SLC34A1: variants seen among roughly 807,000 people sequenced by gnomAD.
The protein encoded by SLC34A1 is sodium-dependent phosphate transport protein 2A.
A neutral mutation model predicts 51.4 loss-of-function variants in SLC34A1; 57 were observed. The observed-to-expected ratio is 1.11, with a 90% CI of 0.90 to 1.38. The LOEUF (loss-of-function observed/expected upper bound fraction) is 1.38. Among genes scored for constraint, SLC34A1 ranks in the 40% most tolerant of loss-of-function variants. SLC34A1 has a pLI of 0.00. For missense variants in SLC34A1, 796 were observed against 835.6 expected, an observed-to-expected ratio of 0.95 and a Z score of 0.58; for synonymous variants, 368 against 358.0, an observed-to-expected ratio of 1.03 and a Z score of -0.32.
chr5:177,385,191 C>A (rs967704075), intron 1 of SLC34A1, among the ~76,000 whole-genome samples: 1 of 152,192 alleles, frequency 6.6e-6, no homozygotes, highest in Admixed American at 6.5e-5. Flanking sequence ...CTCCTCCTTG[C>A]TCTCCAGGTG....
At chr5:177,389,603 GCTCT>G (rs1487311465) in intron 8 of SLC34A1, 2 of 1,537,042 alleles carry the variant, frequency 1.3e-6, no homozygotes, top group Admixed American at 2.0e-5. Flanking sequence ...CACTCTTAGT[GCTCT>G]CTGACTCACC....
Position 177,397,228 on chromosome 5 carries a change from C to T in SLC34A1, c.1416+154C>T, listed in dbSNP as rs1581649577. 2.3e-5 allele frequency: 20 copies of T among 874,228 alleles called. No individual in the cohort carries two copies. The East Asian group carries it at 5.4e-4, about 23-fold the overall frequency. The allele number at this position is 874,228 out of a possible 1,614,324, so 54.2% of individuals were successfully genotyped here. A position where few individuals can be genotyped will look rare whatever the true frequency, so the allele number is the denominator to read the frequency against. On this transcript the variant is annotated intron_variant, in intron 12 of 12. Transcript: ENST00000324417. ...GAAACCATTATGGGCAAAGTAGACCCAATACCACCCTCGAGACCTTAGCAT... is the reference window on the plus strand; with the variant it reads ...GAAACCATTATGGGCAAAGTAGACCTAATACCACCCTCGAGACCTTAGCAT...
Position 177,398,043 on chromosome 5 carries a change from T to C in SLC34A1, c.1677T>C (p.Asn559=). The C allele has an allele frequency of 6.2e-7, 1 of 1,614,094 alleles. No individual in the cohort carries two copies. The highest frequency in any genetic ancestry group is 1.1e-5 in the South Asian group (1 of 91,054). ...GALLAFVVLI[N]VLQSRSPGHL... ...TGCTGGCCTTCGTGGTGCTCATCAA[T>C]GTCCTGCAGAGTCGGAGTCCCGGGC... Residue 559 remains asparagine, a synonymous_variant, in exon 13 of 13, where the codon AAT becomes AAC. Coordinates refer to ENST00000324417, the MANE Select transcript of SLC34A1 (RefSeq NM_003052.5). The surrounding 1 kb of genome is among the most constrained non-coding windows in gnomAD (Gnocchi z 4.7).
In SLC34A1 at chr5:177,386,519, G is replaced by A; in HGVS notation, c.485G>A (p.Ser162Asn). The A allele has an allele frequency of 6.2e-7, 1 of 1,614,130 alleles. No individual in the cohort carries two copies. Among genetic ancestry groups the A allele is most frequent in the Admixed American group, 1.7e-5 (1 of 60,030 alleles). Residue 162 changes from serine to asparagine, a missense_variant, in exon 5 of 13, where the codon AGC becomes AAC. By Grantham distance (46) the Ser-to-Asn change is conservative (BLOSUM62 1). Transcript: ENST00000324417. The surrounding 1 kb of genome is among the most constrained non-coding windows in gnomAD (Gnocchi z 4.8). ...VGILVTVLVQ[S>N]SSTSTSIIVS... ...ATCCTGGTGACCGTGCTGGTGCAGA[G>A]CTCCAGCACCTCCACATCCATCATC...
In SLC34A1 at chr5:177,398,823, A is replaced by C. The variant is rs1763055513; in HGVS notation, c.*537A>C. On this transcript the variant is annotated 3_prime_UTR_variant, in exon 13 of 13. Transcript: ENST00000324417. This position sits in a 1 kb window ranked among gnomAD's most constrained non-coding sequence, Gnocchi z 4.7. ...AACACTTGCCTGATGGAAAAAAAAC[A>C]AAGGAATTAAAACTCTCCTCAGGCA... 1 of 164,376 alleles carries C rather than the reference A, an allele frequency of 6.1e-6. No homozygotes were observed. Among genetic ancestry groups the C allele is most frequent in the Non-Finnish European group, 1.4e-5 (1 of 73,816 alleles). The allele number at this position is 164,376 out of a possible 1,614,324, so 10.2% of individuals were successfully genotyped here.
At chr5:177,394,299 G>A (rs1762893014) in intron 10 of SLC34A1, 104 bp downstream of exon 10, 1 of 1,271,968 alleles carries the variant, frequency 7.9e-7, no homozygotes, top group Admixed American at 1.8e-5. Flanking sequence ...CCATCTCTGA[G>A]ACTCAGTTTC....
Position 177,386,533 on chromosome 5 carries a change from A to G in SLC34A1, c.499A>G (p.Thr167Ala), listed in dbSNP as rs1581635513. 1 of 1,613,942 alleles carries G rather than the reference A, an allele frequency of 6.2e-7. No homozygotes were observed. Among genetic ancestry groups the G allele is most frequent in the East Asian group, 2.2e-5 (1 of 44,882 alleles). Residue 167 changes from threonine (T) to alanine (A), a missense_variant, in exon 5 of 13, where the codon ACA (threonine) becomes GCA (alanine). Thr to Ala is a moderately conservative substitution (Grantham distance 58). Transcript: ENST00000324417. This position sits in a 1 kb window ranked among gnomAD's most constrained non-coding sequence, Gnocchi z 4.8. ...TVLVQSSSTS[T>A]SIIVSMVSSG... ...GCTGGTGCAGAGCTCCAGCACCTCC[A>G]CATCCATCATCGTCAGCATGGTCTC...
chr5:177,389,118 G>A (rs1762708197), intron 8 of SLC34A1, among the ~76,000 whole-genome samples: 1 of 152,128 alleles, frequency 6.6e-6, no homozygotes, highest in African/African-American at 2.4e-5. Context: ...CTAATACTGG[G>A]AAGATCTGTT....
rs768399789 is a variant in SLC34A1, at chr5:177,398,057, G to A, written c.1691G>A (p.Arg564Gln). The A allele has an allele frequency of 1.2e-5, 20 of 1,613,826 alleles. No individual in the cohort carries two copies. The highest frequency in any genetic ancestry group is 1.2e-4 in the African/African-American group (9 of 74,910). ...GTGCTCATCAATGTCCTGCAGAGTC[G>A]GAGTCCCGGGCACCTGCCCAAGTGG... Reference protein sequence around the residue: ...FVVLINVLQSRSPGHLPKWLQ... With the variant: ...FVVLINVLQSQSPGHLPKWLQ... The change falls in exon 13 of 13, where the codon CGG becomes CAG. Residue 564 changes from arginine (R) to glutamine (Q), a missense_variant. Physicochemically the swap from Arg to Gln is conservative, Grantham distance 43. Coordinates refer to ENST00000324417, the MANE Select transcript of SLC34A1 (RefSeq NM_003052.5). This position sits in a 1 kb window ranked among gnomAD's most constrained non-coding sequence, Gnocchi z 4.7.
chr5:177,386,686 C>A lies in SLC34A1; in HGVS notation c.532+120C>A. On this transcript the variant is annotated intron_variant, in intron 5 of 12. Coordinates refer to ENST00000324417, the MANE Select transcript of SLC34A1 (RefSeq NM_003052.5). The surrounding 1 kb of genome is among the most constrained non-coding windows in gnomAD (Gnocchi z 4.8). ...CCTCCATTCAGCTTGACTCCTGTAT[C>A]AGCCAGGGACATGAGAGGAGCCCAA... 1 of 1,196,542 alleles carries A rather than the reference C, an allele frequency of 8.4e-7. No homozygotes were observed. Among genetic ancestry groups the A allele is most frequent in the Non-Finnish European group, 1.2e-6 (1 of 820,372 alleles). The allele number at this position is 1,196,542 out of a possible 1,614,324, so 74.1% of individuals were successfully genotyped here.
chr5:177,397,311 A>C, intron 12 of SLC34A1: 1 of 564,328 alleles, frequency 1.8e-6, no homozygotes, highest in Non-Finnish European at 3.1e-6. Flanking sequence ...TCGGATTTGC[A>C]CCATAAGGAA....
intron 10 of SLC34A1, among the ~76,000 whole-genome samples, chr5:177,394,993 G>A (rs1049253053): frequency 9.2e-5 from 14 of 151,866 alleles, no homozygotes; most frequent in African/African-American, 3.4e-4. Context: ...GTGCCCGGCC[G>A]AGACTTTTGT....
chr5:177,396,905 CGAA>C lies in SLC34A1; in HGVS notation c.1292-43_1292-41del, dbSNP rs757220271. ...GGGCCAGGGCTGGCAGGGAAAGGGC[CGAA>C]GGAGACGCTGGGGGTCCCACTTCCT... is the stretch of plus-strand genomic sequence containing the variant. On this transcript the variant is annotated intron_variant, in intron 11 of 12. Coordinates refer to ENST00000324417, the MANE Select transcript of SLC34A1 (RefSeq NM_003052.5). This position sits in a 1 kb window ranked among gnomAD's most constrained non-coding sequence, Gnocchi z 4.0. 19 of 1,614,130 alleles carry C rather than the reference CGAA, an allele frequency of 1.2e-5. No homozygotes were observed. In the South Asian group the frequency reaches 1.6e-4, roughly 14 times the overall value.
chr5:177,397,111 G>T, intron 12 of SLC34A1, 37 bp downstream of exon 12: 1 of 1,606,358 alleles, frequency 6.2e-7, no homozygotes. Context: ...GGGCAGGATG[G>T]AGCTGCCTCT....
chr5:177,385,650 G>A, intron 1 of SLC34A1, 45 bp from the exon 2 acceptor site: 2 of 886,288 alleles, frequency 2.3e-6, no homozygotes, highest in Non-Finnish European at 3.7e-6. Context: ...GTGCAGGTGA[G>A]GGTGTGTGGG....
chr5:177,386,023 T>G lies in SLC34A1; in HGVS notation c.146T>G (p.Phe49Cys). ...ATCCCGGGGACCTCTGCCTATGCCT[T>G]CCCCAGCCTGGGCCCTGTGGCCCTT... Reference protein sequence around the residue: ...HRIPGTSAYAFPSLGPVALAE... With the variant: ...HRIPGTSAYACPSLGPVALAE... Residue 49 changes from phenylalanine to cysteine, a missense_variant, in exon 3 of 13, where the codon TTC becomes TGC. Transcript: ENST00000324417. The surrounding 1 kb of genome is among the most constrained non-coding windows in gnomAD (Gnocchi z 4.8). 6.2e-7 allele frequency: 1 copy of G among 1,609,684 alleles called. No individual in the cohort carries two copies. The highest frequency in any genetic ancestry group is 1.1e-5 in the South Asian group (1 of 90,786).
chr5:177,385,931 C>A, intron 2 of SLC34A1, 56 bp from the exon 3 acceptor site: 1 of 1,609,870 alleles, frequency 6.2e-7, no homozygotes, highest in Middle Eastern at 1.7e-4. Flanking sequence ...CCCGCCTGTT[C>A]CTCCCCGCCT....
intron 12 of SLC34A1, 26 bp downstream of exon 12, chr5:177,397,100 G>A (rs2127355504): frequency 6.2e-7 from 1 of 1,609,200 alleles, no homozygotes; most frequent in Non-Finnish European, 8.5e-7. Context: ...AGCCTCGCCT[G>A]GGGCAGGATG....
In SLC34A1 at chr5:177,397,816, G is replaced by A. The variant is rs1334378226; in HGVS notation, c.1450G>A (p.Gly484Ser). 5 of 1,612,468 alleles carry A rather than the reference G, an allele frequency of 3.1e-6. No individual in the cohort carries two copies. Among genetic ancestry groups the A allele is most frequent in the Non-Finnish European group, 4.2e-6 (5 of 1,179,996 alleles). ...CTGTCACTTCTTCTTCAACATCTCGGGTATCCTTCTGTGGTACCCGGTGCC... is the reference window on the plus strand; with the variant it reads ...CTGTCACTTCTTCTTCAACATCTCGAGTATCCTTCTGTGGTACCCGGTGCC... Reference protein sequence around the residue: ...ALCHFFFNISGILLWYPVPCT... With the variant: ...ALCHFFFNISSILLWYPVPCT... The change falls in exon 13 of 13, where the codon GGT (glycine) becomes AGT (serine). Residue 484 changes from glycine to serine, a missense_variant. Coordinates refer to ENST00000324417, the MANE Select transcript of SLC34A1 (RefSeq NM_003052.5).
Sources: allele counts gnomAD v4.1 joint callset (sites outside exome capture counted in the v4.1 genomes callset), GRCh38; gene constraint gnomAD v4.1.1; non-coding constraint Gnocchi (gnomAD v3.1); transcripts MANE v1.5; gene names NCBI Gene and HGNC (gene_info 2026-07-23, HGNC 2026-07-21).